Variants in MARCHF4 observed in about 807,000 individuals in gnomAD.
MARCHF4 encodes E3 ubiquitin-protein ligase MARCHF4.
MARCHF4 carries 14 observed loss-of-function variants against 43.9 expected under a neutral mutation model. That is an observed-to-expected ratio of 0.32 (90% CI 0.21 to 0.50). MARCHF4 has a LOEUF of 0.50. Among genes scored for constraint, MARCHF4 ranks in the 20% least tolerant of loss-of-function variants. The pLI is 0.98. For missense variants in MARCHF4, 468 were observed against 536.7 expected, an observed-to-expected ratio of 0.87 and a Z score of 1.27; for synonymous variants, 226 against 213.3, an observed-to-expected ratio of 1.06 and a Z score of -0.52.
intron 1 of MARCHF4, among the ~76,000 whole-genome samples, chr2:216,358,891 G>A (rs1692538266): frequency 6.6e-6 from 1 of 152,192 alleles, no homozygotes; most frequent in Non-Finnish European, 1.5e-5. Flanking sequence ...GAGCTGTGAG[G>A]GATAGAGCTG....
At chr2:216,310,108 A>AG (rs61367251) in intron 1 of MARCHF4, among the ~76,000 whole-genome samples, 151,967 of 152,280 alleles carry the variant, frequency 1, 75,827 homozygotes, top group Non-Finnish European at 1. Flanking sequence ...GAGACCCTGG[A>AG]GGCACCTACC....
chr2:216,259,895 C>T, intron 3 of MARCHF4: 1 of 566,694 alleles, frequency 1.8e-6, no homozygotes, highest in Non-Finnish European at 3.1e-6. Flanking sequence ...TGAGCACCTT[C>T]AGGCAGTGCC....
Position 216,370,318 on chromosome 2 carries a change from C to T in MARCHF4, c.-58G>A, listed in dbSNP as rs1216940419. 3 of 1,483,850 alleles carry T rather than the reference C, an allele frequency of 2.0e-6. No individual in the cohort carries two copies. The highest frequency in any genetic ancestry group is 2.8e-5 in the African/African-American group (2 of 71,142). The allele number at this position is 1,483,850 out of a possible 1,614,324, so 91.9% of individuals were successfully genotyped here. On this transcript the variant is annotated 5_prime_UTR_variant, in exon 1 of 4. Coordinates refer to ENST00000273067, the MANE Select transcript of MARCHF4 (RefSeq NM_020814.3). ...TGGCTGGAGTCTTAAAAGAGGGGGA[C>T]AGGACAGGTTTTGGGGGTCCACAGT... is the stretch of plus-strand genomic sequence containing the variant.
intron 1 of MARCHF4, 100 bp from the exon 2 acceptor site, chr2:216,283,829 C>A: frequency 7.9e-7 from 1 of 1,266,430 alleles, no homozygotes; most frequent in Admixed American, 2.4e-5. Flanking sequence ...TTTGAGCCAC[C>A]CAAGTAGGCC....
chr2:216,268,415 G>A (rs1280696292), intron 3 of MARCHF4, among the ~76,000 whole-genome samples: 1 of 152,212 alleles, frequency 6.6e-6, no homozygotes, highest in Non-Finnish European at 1.5e-5. Context: ...TCAAGGGAGG[G>A]AGGTGATTGG....
intron 1 of MARCHF4, among the ~76,000 whole-genome samples, chr2:216,306,856 C>T (rs1188710756): frequency 6.6e-6 from 1 of 151,982 alleles, no homozygotes; most frequent in East Asian, 1.9e-4. Flanking sequence ...TTTTCCCCTA[C>T]TGTACTATTT....
intron 1 of MARCHF4, among the ~76,000 whole-genome samples, chr2:216,336,742 T>TAAAAAAAAAAAAAAAAAAAAAAAAAAAA (rs58031229): frequency 2.0e-4 from 11 of 55,666 alleles, no homozygotes; most frequent in East Asian, 1.3e-3. Context: ...CAAATAGATT[T>TAAAAAAAAAAAAAAAAAAAAAAAAAAAA]AAAAAAAAAA....
At chr2:216,366,309 T>C (rs1692664888) in intron 1 of MARCHF4, among the ~76,000 whole-genome samples, 1 of 152,198 alleles carries the variant, frequency 6.6e-6, no homozygotes, top group African/African-American at 2.4e-5. Flanking sequence ...TGGTACATTG[T>C]CCCACAAAGT....
At chr2:216,351,974 G>A (rs574169766) in intron 1 of MARCHF4, among the ~76,000 whole-genome samples, 70 of 152,316 alleles carry the variant, frequency 4.6e-4, no homozygotes, top group African/African-American at 1.5e-3. Flanking sequence ...ATAATGGGAA[G>A]GACTAGATAA....
intron 1 of MARCHF4, among the ~76,000 whole-genome samples, chr2:216,293,987 T>TGTAAAAAAAAAAAAAAAAA (rs1691353610): frequency 9.9e-6 from 1 of 100,602 alleles, no homozygotes; most frequent in South Asian, 2.9e-4. Flanking sequence ...ACCATCACCA[T>TGTAAAAAAAAAAAAAAAAA]TGTTACCAAA....
At chr2:216,265,944 G>C (rs1281400692) in intron 3 of MARCHF4, 1 of 152,196 alleles carries the variant, frequency 6.6e-6, no homozygotes, top group African/African-American at 2.4e-5. Flanking sequence ...GGCTGATGCT[G>C]CCTGTGTGTG....
At chr2:216,342,483 TG>T (rs1692252531) in intron 1 of MARCHF4, among the ~76,000 whole-genome samples, 3 of 152,084 alleles carry the variant, frequency 2.0e-5, no homozygotes. Context: ...ATGGTTGGGC[TG>T]GGGCTGAGGA....
intron 1 of MARCHF4, among the ~76,000 whole-genome samples, chr2:216,326,405 A>AT (rs1691992724): frequency 6.7e-6 from 1 of 148,482 alleles, no homozygotes; most frequent in Admixed American, 6.8e-5. Flanking sequence ...CAGTGTGGCC[A>AT]TTCCTCAGGG....
intron 2 of MARCHF4, 99 bp downstream of exon 2, chr2:216,283,475 C>T (rs1691165010): frequency 1.4e-6 from 2 of 1,421,500 alleles, no homozygotes; most frequent in African/African-American, 1.4e-5. Flanking sequence ...TCCTTTTCCT[C>T]AAACTGCCCT....
At chr2:216,296,954 C>T (rs1006742160) in intron 1 of MARCHF4, among the ~76,000 whole-genome samples, 3 of 152,312 alleles carry the variant, frequency 2.0e-5, no homozygotes, top group East Asian at 3.9e-4. Context: ...GATGCCTCGT[C>T]GTTCTCACCA....
intron 1 of MARCHF4, among the ~76,000 whole-genome samples, chr2:216,358,215 C>T (rs1692529110): frequency 1.3e-5 from 2 of 152,018 alleles, no homozygotes; most frequent in South Asian, 4.1e-4. Flanking sequence ...AGTGACTTGC[C>T]CAAGGACACA....
At chr2:216,326,705 G>A (rs561068626) in intron 1 of MARCHF4, among the ~76,000 whole-genome samples, 43 of 151,530 alleles carry the variant, frequency 2.8e-4, no homozygotes, top group Admixed American at 1.1e-3. Flanking sequence ...GTAAACTATC[G>A]CAAGAACAAA....
At position 216,370,011 on chromosome 2, in the gene MARCHF4, C is replaced by A. The variant is rs1177409414; in HGVS notation, c.250G>T (p.Ala84Ser). 1.3e-6 allele frequency: 2 copies of A among 1,538,894 alleles called. No homozygotes were observed. Among genetic ancestry groups the A allele is most frequent in the African/African-American group, 1.4e-5 (1 of 73,026 alleles). Residue 84 changes from alanine to serine, a missense_variant, in exon 1 of 4, where the codon GCC becomes TCC. Ala to Ser is a moderately conservative substitution (Grantham distance 99). This residue lies in a region of MARCHF4 where 190 missense variants were observed against 158.5 expected (regional missense o/e 1.20). Coordinates refer to ENST00000273067, the MANE Select transcript of MARCHF4 (RefSeq NM_020814.3). ...AANNTLPALG[A>S]GGWAGWRGPR... ...CCCCTCCAGCCTGCCCACCCCCCGG[C>A]GCCCAGAGCCGGAAGGGTGTTGTTG...
intron 1 of MARCHF4, among the ~76,000 whole-genome samples, chr2:216,361,624 AG>A (rs1382500009): frequency 1.2e-4 from 19 of 152,206 alleles, no homozygotes; most frequent in Non-Finnish European, 1.5e-5. Context: ...GTTGGGAGTG[AG>A]GGATCCAAGG....
Sources: gnomAD v4.1 joint callset for allele counts (sites outside exome capture counted in the v4.1 genomes callset) on GRCh38, gnomAD v4.1.1 for gene constraint, gnomAD v4.1.1 regional missense constraint, MANE v1.5 for transcripts, NCBI Gene and HGNC (gene_info 2026-07-23, HGNC 2026-07-21) for gene names.